The following ATP6V1C2 variants were observed in gnomAD, a reference collection of about 807,000 sequenced individuals.
ATP6V1C2 encodes the protein V-type proton ATPase subunit C 2.
A neutral mutation model predicts 56.8 loss-of-function variants in ATP6V1C2; 45 were observed. The ratio of observed to expected loss-of-function variants is 0.79; its 90% confidence interval spans 0.62 to 1.02. The LOEUF is 1.02. ATP6V1C2 is among the 50% of genes least tolerant of loss of function. ATP6V1C2 has a pLI of 0.00. For missense variants in ATP6V1C2, 463 were observed against 519.7 expected (o/e 0.89, Z 1.06); for synonymous variants, 220 against 201.3 (o/e 1.09, Z -0.79).
chr2:10,744,529 G>A (rs1662758349), intron 3 of ATP6V1C2, among the ~76,000 whole-genome samples: 1 of 152,140 alleles, frequency 6.6e-6, no homozygotes. Flanking sequence ...TGCTGCAGAT[G>A]TTTAACTTGG....
chr2:10,723,754 G>T (rs1286541576), intron 2 of ATP6V1C2, among the ~76,000 whole-genome samples: 1 of 151,052 alleles, frequency 6.6e-6, no homozygotes, highest in African/African-American at 2.4e-5. Flanking sequence ...CAGGAGAATG[G>T]TGTGAATCCG....
At chr2:10,782,880 G>A (rs1028647304) in intron 13 of ATP6V1C2, among the ~76,000 whole-genome samples, 1 of 148,908 alleles carries the variant, frequency 6.7e-6, no homozygotes, top group African/African-American at 2.5e-5. Flanking sequence ...AGGAGTGGTG[G>A]TGCATGCCTG....
chr2:10,754,568 TTTTCTTTTCTTTTC>T (rs869083173), intron 4 of ATP6V1C2, among the ~76,000 whole-genome samples: 52 of 144,178 alleles, frequency 3.6e-4, no homozygotes, highest in South Asian at 8.7e-4. Flanking sequence ...TTTTCTTTTC[TTTTCTTTTCTTTTC>T]TTTTTTTTTG....
chr2:10,767,882 C>T lies in ATP6V1C2; in HGVS notation c.379-837C>T, dbSNP rs549094009. 2.6e-5 allele frequency: 4 copies of T among 151,890 alleles called. No homozygotes were observed. The South Asian group carries it at 8.3e-4, about 32-fold the overall frequency. 9.4% of individuals were successfully genotyped at this position (151,890 alleles called of 1,614,324 possible). ...ATATCATCCGAGCTGTGATCATCGC[C>T]CCCATTCCCTTTATTCTCCCAAAAG... On this transcript the variant is annotated intron_variant, in intron 5 of 13. Coordinates refer to ENST00000272238, the MANE Select transcript of ATP6V1C2 (RefSeq NM_001039362.2).
intron 10 of ATP6V1C2, among the ~76,000 whole-genome samples, chr2:10,776,036 G>T (rs950868171): frequency 6.6e-6 from 1 of 152,080 alleles, no homozygotes; most frequent in Non-Finnish European, 1.5e-5. Context: ...TGTGTGCTCC[G>T]GGCTCCTGGG....
chr2:10,767,055 A>AT (rs1331410130), intron 5 of ATP6V1C2, among the ~76,000 whole-genome samples: 3 of 151,972 alleles, frequency 2.0e-5, no homozygotes, highest in African/African-American at 4.8e-5. Context: ...AAAAAGATGC[A>AT]TTTTATTAAG....
rs146238594 is a variant in ATP6V1C2 at position 10,768,248 on chromosome 2, G to C, written c.379-471G>C. The stretch of plus-strand genomic sequence containing the variant: ...CCAGTCGGCCAGAAAGCAGGAGGGC[G>C]TGGCTTGAGCCCAGGCCTGTCTTGT... On this transcript the variant is annotated intron_variant, in intron 5 of 13. Transcript: ENST00000272238. 679 of 156,826 alleles carry C rather than the reference G, an allele frequency of 4.3e-3. 8 individuals are homozygous for C. Among genetic ancestry groups the C allele is most frequent in the African/African-American group, 0.016 (653 of 41,610 alleles). The allele number at this position is 156,826 out of a possible 1,614,324, so 9.7% of individuals were successfully genotyped here.
At chr2:10,772,052 G>A (rs549821958) in intron 7 of ATP6V1C2, 115 bp downstream of exon 7, 64 of 875,796 alleles carry the variant, frequency 7.3e-5, no homozygotes, top group Admixed American at 1.5e-4. Context: ...CCCAGTTCTC[G>A]GGAAGCAGTC....
At chr2:10,776,422 G>A (rs1664990388) in intron 10 of ATP6V1C2, among the ~76,000 whole-genome samples, 1 of 152,122 alleles carries the variant, frequency 6.6e-6, no homozygotes, top group African/African-American at 2.4e-5. Flanking sequence ...AGCCGAGCTG[G>A]AGCTGGGGAC....
chr2:10,724,677 T>C (rs1661541715), intron 2 of ATP6V1C2, among the ~76,000 whole-genome samples: 1 of 146,144 alleles, frequency 6.8e-6, no homozygotes, highest in Non-Finnish European at 1.5e-5. Flanking sequence ...CTAATTACTT[T>C]TTTTTTTTTT....
At chr2:10,734,734 G>A (rs1283062293) in intron 3 of ATP6V1C2, among the ~76,000 whole-genome samples, 2 of 152,124 alleles carry the variant, frequency 1.3e-5, no homozygotes, top group East Asian at 3.9e-4. Context: ...GGCTTTCCAC[G>A]ATGCTTCCAG....
intron 3 of ATP6V1C2, among the ~76,000 whole-genome samples, chr2:10,743,790 GC>G (rs1662696017): frequency 6.6e-6 from 1 of 151,778 alleles, no homozygotes; most frequent in Admixed American, 6.6e-5. Context: ...CTCAAGACCA[GC>G]CTGGCTAACA....
At chr2:10,765,573 C>T (rs549951957) in intron 5 of ATP6V1C2, among the ~76,000 whole-genome samples, 3 of 152,306 alleles carry the variant, frequency 2.0e-5, no homozygotes, top group East Asian at 1.9e-4. Context: ...CCAGAAAGCT[C>T]GGGAATCTGG....
chr2:10,754,520 C>T (rs1213214982), intron 4 of ATP6V1C2, among the ~76,000 whole-genome samples: 1 of 151,922 alleles, frequency 6.6e-6, no homozygotes, highest in East Asian at 1.9e-4. Flanking sequence ...GCTACCATGC[C>T]CGGCCAATTT....
At chr2:10,772,417 C>T in intron 7 of ATP6V1C2, 125 bp from the exon 8 acceptor site, 1 of 816,824 alleles carries the variant, frequency 1.2e-6, no homozygotes, top group Non-Finnish European at 2.1e-6. Flanking sequence ...GGTGAGGGCT[C>T]CCTCTGACCC....
intron 10 of ATP6V1C2, among the ~76,000 whole-genome samples, chr2:10,775,378 G>A (rs1046964127): frequency 6.6e-6 from 1 of 152,230 alleles, no homozygotes; most frequent in African/African-American, 2.4e-5. Flanking sequence ...TAGCTCCACA[G>A]TATGGAGAAA....
chr2:10,726,686 G>A (rs1302721513), intron 3 of ATP6V1C2, 117 bp downstream of exon 3: 3 of 947,958 alleles, frequency 3.2e-6, no homozygotes, highest in East Asian at 2.5e-5. Context: ...GGTTCCAAAA[G>A]TGAGCAGAGA....
At chr2:10,746,558 G>C (rs149745068) in intron 3 of ATP6V1C2, among the ~76,000 whole-genome samples, 1 of 151,668 alleles carries the variant, frequency 6.6e-6, no homozygotes. Context: ...GATTACAGGC[G>C]CCCACCAGCA....
chr2:10,728,093 T>G lies in ATP6V1C2; in HGVS notation c.197+1524T>G, dbSNP rs964199156. Among the ~76,000 whole-genome samples the G allele has an allele frequency of 2.0e-5, 3 of 151,586 alleles. No homozygotes were observed. The South Asian group carries it at 6.2e-4, about 31-fold the overall frequency. On this transcript the variant is annotated intron_variant, in intron 3 of 13. Transcript: ENST00000272238. ...TCATGTATTTGTTTACTTATTTGTG[T>G]TTTTTGCAGACAGGGTCTGGCTCTG...
Sources: allele counts gnomAD v4.1 joint callset (sites outside exome capture counted in the v4.1 genomes callset), GRCh38; gene constraint gnomAD v4.1.1; transcripts MANE v1.5; gene names NCBI Gene and HGNC (gene_info 2026-07-23, HGNC 2026-07-21).